The following AASDHPPT variants were observed in gnomAD, a reference collection of about 807,000 sequenced individuals.
AASDHPPT encodes the protein aminoadipate-semialdehyde dehydrogenase-phosphopantetheinyl transferase.
AASDHPPT carries 23 observed loss-of-function variants against 36.4 expected under a neutral mutation model. The ratio of observed to expected loss-of-function variants is 0.63; its 90% confidence interval spans 0.45 to 0.89. The LOEUF (loss-of-function observed/expected upper bound fraction) is 0.89, where lower values mean the gene tolerates loss of function less well. Ranked by LOEUF, AASDHPPT falls within the 40% of genes least tolerant of loss-of-function variation. AASDHPPT has a pLI of 0.00. For missense variants in AASDHPPT, 377 were observed against 378.2 expected, an observed-to-expected ratio of 1.00 and a Z score of 0.03; for synonymous variants, 115 against 128.0, an observed-to-expected ratio of 0.90 and a Z score of 0.68.
intron 5 of AASDHPPT, among the ~76,000 whole-genome samples, chr11:106,095,222 A>C (rs187601401): frequency 5.1e-4 from 77 of 152,322 alleles, no homozygotes; most frequent in South Asian, 3.3e-3. Flanking sequence ...TCATATTTCC[A>C]ATAGACATTC....
At chr11:106,087,572 G>A (rs1395305712) in intron 2 of AASDHPPT, among the ~76,000 whole-genome samples, 2 of 152,066 alleles carry the variant, frequency 1.3e-5, no homozygotes, top group Non-Finnish European at 2.9e-5. Flanking sequence ...GTATATATTT[G>A]TGTATACATA....
rs760559805 is a variant in AASDHPPT at position 106,094,668 on chromosome 11, AT to A, written c.765+17del. On this transcript the variant is annotated intron_variant, in intron 5 of 5. Coordinates refer to ENST00000278618, the MANE Select transcript of AASDHPPT (RefSeq NM_015423.3). ...AGACATCAGGATGTAAGATTTTAGG[AT>A]TTCTCTTTTTTCTAAATAGCATGAA... The A allele has an allele frequency of 3.8e-6, 6 of 1,581,250 alleles. No individual in the cohort carries two copies. The South Asian group carries it at 7.1e-5, about 19-fold the overall frequency.
intron 2 of AASDHPPT, among the ~76,000 whole-genome samples, chr11:106,087,481 C>T (rs562804670): frequency 1.3e-5 from 2 of 152,176 alleles, no homozygotes; most frequent in South Asian, 2.1e-4. Flanking sequence ...GAAGCAAGCA[C>T]GTAGATGGGC....
intron 2 of AASDHPPT, among the ~76,000 whole-genome samples, chr11:106,087,071 T>C (rs904671138): frequency 1.3e-5 from 2 of 152,216 alleles, no homozygotes; most frequent in Non-Finnish European, 2.9e-5. Context: ...TGGTAAACAA[T>C]GTAAGAGCAA....
intron 2 of AASDHPPT, among the ~76,000 whole-genome samples, chr11:106,084,485 A>C (rs2135038679): frequency 6.6e-6 from 1 of 152,188 alleles, no homozygotes; most frequent in African/African-American, 2.4e-5. Flanking sequence ...TATAATAGAG[A>C]CAGGGTTTCT....
chr11:106,097,134 C>G lies in AASDHPPT; in HGVS notation c.*227C>G. 2.5e-6 allele frequency: 1 copy of G among 393,262 alleles called. No individual in the cohort carries two copies. The highest frequency in any genetic ancestry group is 4.4e-6 in the Non-Finnish European group (1 of 225,628). 24.4% of individuals were successfully genotyped at this position (393,262 alleles called of 1,614,324 possible). On this transcript the variant is annotated 3_prime_UTR_variant, in exon 6 of 6. Coordinates refer to ENST00000278618, the MANE Select transcript of AASDHPPT (RefSeq NM_015423.3). ...TGCATTGAATTGATAGGAAGGATGG[C>G]GGAATCTTAAAGTGATACATGCTAA...
chr11:106,077,696 G>C lies in AASDHPPT; in HGVS notation c.-15G>C, dbSNP rs766885258. 3 of 1,606,460 alleles carry C rather than the reference G, an allele frequency of 1.9e-6. No individual in the cohort carries two copies. Among genetic ancestry groups the C allele is most frequent in the Admixed American group, 1.7e-5 (1 of 59,812 alleles). On this transcript the variant is annotated 5_prime_UTR_variant, in exon 1 of 6. Coordinates refer to ENST00000278618, the MANE Select transcript of AASDHPPT (RefSeq NM_015423.3). Reference sequence around the variant, plus strand: ...CCATCAGGCCCGAGATAGCGGCGAGGTCCGCTTTCAGTGTATGGTTTTCCC... The same window carrying C: ...CCATCAGGCCCGAGATAGCGGCGAGCTCCGCTTTCAGTGTATGGTTTTCCC...
In AASDHPPT at chr11:106,077,680, C is replaced by T. The variant is rs772135239; in HGVS notation, c.-31C>T. ...CACGTTTGCGTCCGCGCCATCAGGC[C>T]CGAGATAGCGGCGAGGTCCGCTTTC... On this transcript the variant is annotated 5_prime_UTR_variant, in exon 1 of 6. Coordinates refer to ENST00000278618, the MANE Select transcript of AASDHPPT (RefSeq NM_015423.3). 5.6e-6 allele frequency: 9 copies of T among 1,600,020 alleles called. No homozygotes were observed. Among genetic ancestry groups the T allele is most frequent in the Admixed American group, 1.7e-5 (1 of 59,462 alleles).
At chr11:106,091,062 C>T (rs563679368) in intron 3 of AASDHPPT, among the ~76,000 whole-genome samples, 2 of 152,032 alleles carry the variant, frequency 1.3e-5, no homozygotes, top group African/African-American at 4.8e-5. Flanking sequence ...ACATAACATC[C>T]CTATGAGGAA....
chr11:106,091,586 G>A (rs911468285), intron 4 of AASDHPPT, 109 bp downstream of exon 4: 1 of 1,079,052 alleles, frequency 9.3e-7, no homozygotes, highest in Non-Finnish European at 1.3e-6. Context: ...ACTGAATCCA[G>A]TCCTGCTGCT....
chr11:106,087,087 G>A (rs1861205811), intron 2 of AASDHPPT, among the ~76,000 whole-genome samples: 1 of 152,194 alleles, frequency 6.6e-6, no homozygotes, highest in Non-Finnish European at 1.5e-5. Context: ...AGCAACTGAA[G>A]TTTAGGACTG....
Position 106,098,224 on chromosome 11 carries a change from T to TA in AASDHPPT, c.*1318dup, listed in dbSNP as rs1357268173. 1 of 152,152 alleles carries TA rather than the reference T, an allele frequency of 6.6e-6. No homozygotes were observed. Among genetic ancestry groups the TA allele is most frequent in the Admixed American group, 6.6e-5 (1 of 15,258 alleles). The allele number at this position is 152,152 out of a possible 1,614,324, so 9.4% of individuals were successfully genotyped here. A position where few individuals can be genotyped will look rare whatever the true frequency, so the allele number is the denominator to read the frequency against. The stretch of plus-strand genomic sequence containing the variant: ...TTTCTTTCATTACAAATAAGATTGT[T>TA]ATGTCAGTATTGTTATTGGCTTTTC... On this transcript the variant is annotated 3_prime_UTR_variant, in exon 6 of 6. Transcript: ENST00000278618.
At chr11:106,077,935 ATCT>A in intron 1 of AASDHPPT, 42 bp downstream of exon 1, 1 of 1,592,716 alleles carries the variant, frequency 6.3e-7, no homozygotes, top group Non-Finnish European at 8.6e-7. Flanking sequence ...TAGGAAGCAG[ATCT>A]TGGGGGAGGC....
intron 2 of AASDHPPT, among the ~76,000 whole-genome samples, chr11:106,086,637 A>G (rs1861201165): frequency 6.6e-6 from 1 of 152,078 alleles, no homozygotes; most frequent in African/African-American, 2.4e-5. Flanking sequence ...ATTAACTCTA[A>G]ATCTCATGTA....
chr11:106,084,422 T>G (rs1861176617), intron 2 of AASDHPPT, among the ~76,000 whole-genome samples: 1 of 152,042 alleles, frequency 6.6e-6, no homozygotes, highest in African/African-American at 2.4e-5. Flanking sequence ...ATAAAAGAAT[T>G]AGTTAGGTCT....
intron 5 of AASDHPPT, among the ~76,000 whole-genome samples, chr11:106,096,333 G>C (rs1292273834): frequency 6.6e-6 from 1 of 152,142 alleles, no homozygotes; most frequent in Non-Finnish European, 1.5e-5. Context: ...AGTTATGGCA[G>C]TTTTATCAGA....
intron 5 of AASDHPPT, among the ~76,000 whole-genome samples, chr11:106,095,129 A>G: frequency 6.6e-6 from 1 of 152,184 alleles, no homozygotes; most frequent in Non-Finnish European, 1.5e-5. Context: ...CGTCTCAAAA[A>G]AAAGAAATGT....
At chr11:106,079,044 T>C (rs1370458056) in intron 1 of AASDHPPT, among the ~76,000 whole-genome samples, 1 of 152,196 alleles carries the variant, frequency 6.6e-6, no homozygotes, top group Non-Finnish European at 1.5e-5. Context: ...TTATGAAATA[T>C]GCTACAGTTA....
At chr11:106,095,640 T>C (rs947888556) in intron 5 of AASDHPPT, 1 of 152,204 alleles carries the variant, frequency 6.6e-6, no homozygotes, top group South Asian at 2.1e-4. Context: ...CATGAAAGAA[T>C]GTAGCATGAT....
Sources: gnomAD v4.1 joint callset for allele counts (sites outside exome capture counted in the v4.1 genomes callset) on GRCh38, gnomAD v4.1.1 for gene constraint, MANE v1.5 for transcripts, NCBI Gene and HGNC (gene_info 2026-07-23, HGNC 2026-07-21) for gene names.